ITGB2: variants seen among roughly 807,000 people sequenced by gnomAD.
ITGB2 encodes integrin subunit beta 2, also known as integrin beta-2.
Under a neutral mutation model 86.8 loss-of-function variants are expected in ITGB2, and 56 were observed. The observed-to-expected ratio is 0.65, with a 90% CI of 0.52 to 0.81. ITGB2 has a LOEUF of 0.81. ITGB2 is among the 30% of genes least tolerant of loss of function. ITGB2 has a pLI of 0.00. For missense variants in ITGB2, 948 were observed against 1,061.2 expected (o/e 0.89, Z 1.48); for synonymous variants, 457 against 450.4 (o/e 1.01, Z -0.19).
chr21:44,891,687 A>C lies in ITGB2; in HGVS notation c.1412+122T>G, dbSNP rs546562014. 32 of 1,147,308 alleles carry C rather than the reference A, an allele frequency of 2.8e-5. No individual in the cohort carries two copies. In the East Asian group the frequency reaches 8.1e-4, roughly 29 times the overall value. 71.1% of individuals were successfully genotyped at this position (1,147,308 alleles called of 1,614,324 possible). A position where few individuals can be genotyped will look rare whatever the true frequency, so the allele number is the denominator to read the frequency against. On this transcript the variant is annotated intron_variant, in intron 11 of 15. Coordinates refer to ENST00000652462, the MANE Select transcript of ITGB2 (RefSeq NM_000211.5). ...CCACCTCCTGCAGAAGGGGGCCCCC[A>C]GGATGCCTGCTCCGTGGGGTGGGGG... is the stretch of plus-strand genomic sequence containing the variant.
chr21:44,900,280 C>T (rs1212365680), intron 7 of ITGB2, 40 bp downstream of exon 7: 10 of 1,613,360 alleles, frequency 6.2e-6, no homozygotes, highest in Non-Finnish European at 8.5e-6. Context: ...TCAGTGGTGT[C>T]CTGCCAGGCG....
chr21:44,910,758 G>T lies in ITGB2; in HGVS notation c.25C>A (p.Leu9Ile). 1 of 1,613,980 alleles carries T rather than the reference G, an allele frequency of 6.2e-7. No homozygotes were observed. The highest frequency in any genetic ancestry group is 1.3e-5 in the African/African-American group (1 of 75,064). Residue 9 changes from leucine to isoleucine, a missense_variant, in exon 2 of 16, where the codon CTC becomes ATC. By Grantham distance (5) the Leu-to-Ile change is conservative. Coordinates refer to ENST00000652462, the MANE Select transcript of ITGB2 (RefSeq NM_000211.5). MLGLRPPL[L>I]ALVGLLSLGC... ...AGGGAGAGCAGCCCCACCAGGGCGAGCAGTGGGGGGCGCAGGCCCAGCATG... is the reference window on the plus strand; with the variant it reads ...AGGGAGAGCAGCCCCACCAGGGCGATCAGTGGGGGGCGCAGGCCCAGCATG...
chr21:44,915,314 G>A (rs1351569458), intron 1 of ITGB2, among the ~76,000 whole-genome samples: 6 of 152,102 alleles, frequency 3.9e-5, no homozygotes, highest in African/African-American at 7.2e-5. Flanking sequence ...GTGAGCCACC[G>A]TGCCCAGTCT....
At chr21:44,924,711 G>A (rs1454292677), upstream of ITGB2, among the ~76,000 whole-genome samples, 2 of 152,138 alleles carry the variant, frequency 1.3e-5, no homozygotes, top group African/African-American at 4.8e-5. Flanking sequence ...CTCCTGAAAA[G>A]TGGACCCAAA....
chr21:44,925,944 A>G (rs1433692286), intron 1 of ITGB2, among the ~76,000 whole-genome samples: 1 of 152,104 alleles, frequency 6.6e-6, no homozygotes, highest in East Asian at 1.9e-4. Flanking sequence ...AAATAAATCA[A>G]TAAAAATAAA....
At chr21:44,895,384 G>A (rs1385598370) in intron 8 of ITGB2, among the ~76,000 whole-genome samples, 1 of 152,054 alleles carries the variant, frequency 6.6e-6, no homozygotes, top group African/African-American at 2.4e-5. Flanking sequence ...ACAAATATTA[G>A]AGTGGTGTGG....
At chr21:44,927,193 C>A (rs1348952748) in intron 1 of ITGB2, among the ~76,000 whole-genome samples, 1 of 152,112 alleles carries the variant, frequency 6.6e-6, no homozygotes, top group Non-Finnish European at 1.5e-5. Context: ...GGAGGAGACC[C>A]CATAGGAGCA....
In ITGB2 at chr21:44,886,870, C is replaced by T. The variant is rs373065825; in HGVS notation, c.2113G>A (p.Val705Ile). The T allele has an allele frequency of 9.9e-6, 16 of 1,613,372 alleles. No individual in the cohort carries two copies. The highest frequency in any genetic ancestry group is 8.3e-5 in the Admixed American group (5 of 59,996). The change falls in exon 15 of 16, where the codon GTC (valine) becomes ATC (isoleucine). Residue 705 changes from valine (V) to isoleucine (I), a missense_variant. Val to Ile is a conservative substitution (Grantham distance 29). Transcript: ENST00000652462. Reference protein sequence around the residue: ...CVAGPNIAAIVGGTVAGIVLI... With the variant: ...CVAGPNIAAIIGGTVAGIVLI... Reference sequence around the variant, plus strand: ...ACGATGCCTGCCACGGTGCCCCCGACGATGGCGGCGATGTTGGGGCCTGCC... The same window carrying T: ...ACGATGCCTGCCACGGTGCCCCCGATGATGGCGGCGATGTTGGGGCCTGCC...
chr21:44,888,628 G>T, intron 14 of ITGB2, 65 bp downstream of exon 14: 3 of 1,543,560 alleles, frequency 1.9e-6, no homozygotes, highest in African/African-American at 2.7e-5. Context: ...CACCACCCTC[G>T]CCTCTGCGGA....
intron 3 of ITGB2, among the ~76,000 whole-genome samples, chr21:44,907,580 G>A (rs1180296855): frequency 6.6e-6 from 1 of 152,242 alleles, no homozygotes; most frequent in East Asian, 1.9e-4. Flanking sequence ...AGGGGAGCCT[G>A]GGAGGCCTGG....
chr21:44,893,789 G>A, intron 9 of ITGB2: 5 of 508,648 alleles, frequency 9.8e-6, no homozygotes, highest in South Asian at 7.5e-5. Flanking sequence ...CCTCAGGGGT[G>A]GGAGCTTCTG....
rs2083955062 is a variant in ITGB2, at chr21:44,901,404, C to T, written c.741+88G>A. 4.6e-6 allele frequency: 7 copies of T among 1,518,594 alleles called. No homozygotes were observed. The South Asian group carries it at 8.3e-5, about 18-fold the overall frequency. The allele number at this position is 1,518,594 out of a possible 1,614,324, so 94.1% of individuals were successfully genotyped here. A position where few individuals can be genotyped will look rare whatever the true frequency, so the allele number is the denominator to read the frequency against. ...GGAGTCCCTCAGACGACCTGCCGGC[C>T]AGGGTACCCCCCTGCCCCCACACAG... On this transcript the variant is annotated intron_variant, in intron 6 of 15. Transcript: ENST00000652462.
At chr21:44,890,673 A>G (rs1341129738) in intron 11 of ITGB2, among the ~76,000 whole-genome samples, 1 of 152,070 alleles carries the variant, frequency 6.6e-6, no homozygotes, top group Non-Finnish European at 1.5e-5. Flanking sequence ...TGCAGGGACA[A>G]GGGGTTTTTA....
chr21:44,918,971 C>G (rs1299136485), intron 1 of ITGB2, among the ~76,000 whole-genome samples: 2 of 152,162 alleles, frequency 1.3e-5, no homozygotes, highest in Non-Finnish European at 2.9e-5. Flanking sequence ...GCTGAGCGTC[C>G]CCTCTCCCAG....
rs369780953 is a variant in ITGB2 at position 44,889,380 on chromosome 21, A to C, written c.1773T>G (p.Ser591Arg). 1.9e-6 allele frequency: 3 copies of C among 1,612,814 alleles called. No individual in the cohort carries two copies. Among genetic ancestry groups the C allele is most frequent in the South Asian group, 1.1e-5 (1 of 91,084 alleles). Reference protein sequence around the residue: ...GCLNPRRVECSGRGRCRCNVC... With the variant: ...GCLNPRRVECRGRGRCRCNVC... Reference sequence around the variant, plus strand: ...CGTTGCAGCGGCACCGGCCACGACCACTACACTCAACACGCCGCGGGTTCA... The same window carrying C: ...CGTTGCAGCGGCACCGGCCACGACCCCTACACTCAACACGCCGCGGGTTCA... The change falls in exon 13 of 16, where the codon AGT becomes AGG. Residue 591 changes from serine to arginine, a missense_variant. By Grantham distance (110) the Ser-to-Arg change is moderately radical. Coordinates refer to ENST00000652462, the MANE Select transcript of ITGB2 (RefSeq NM_000211.5).
At chr21:44,893,002 G>A (rs1392164610) in intron 10 of ITGB2, 1 of 255,940 alleles carries the variant, frequency 3.9e-6, no homozygotes, top group Non-Finnish European at 7.5e-6. Context: ...AGTCTGCAGT[G>A]GCCTGACCCA....
At chr21:44,898,053 G>A (rs1027790707) in intron 8 of ITGB2, among the ~76,000 whole-genome samples, 2 of 144,040 alleles carry the variant, frequency 1.4e-5, no homozygotes, top group African/African-American at 2.5e-5. Flanking sequence ...ACCCGATGGG[G>A]GTGTCATTGT....
intron 1 of ITGB2, chr21:44,911,281 C>G: frequency 4.4e-6 from 1 of 229,692 alleles, no homozygotes; most frequent in Non-Finnish European, 8.9e-6. Flanking sequence ...TGCACACGTA[C>G]ACACACATAC....
chr21:44,893,655 G>T, intron 9 of ITGB2, 111 bp from the exon 10 acceptor site: 1 of 1,405,666 alleles, frequency 7.1e-7, no homozygotes, highest in Non-Finnish European at 1.0e-6. Flanking sequence ...CAAGTCCCCA[G>T]TGTCAGCTAA....
Sources: gnomAD v4.1 joint callset for allele counts (sites outside exome capture counted in the v4.1 genomes callset) on GRCh38, gnomAD v4.1.1 for gene constraint, MANE v1.5 for transcripts, NCBI Gene and HGNC (gene_info 2026-07-23, HGNC 2026-07-21) for gene names.